NBAS: variants seen among roughly 807,000 people sequenced by gnomAD.
The protein encoded by NBAS is NAG/BC035112 fusion.
NBAS carries 219 observed loss-of-function variants against 302.5 expected under a neutral mutation model. The observed-to-expected ratio is 0.72, with a 90% CI of 0.65 to 0.81. NBAS has a LOEUF of 0.81. NBAS is among the 30% of genes least tolerant of loss of function. The pLI is 0.00. For synonymous variants in NBAS, 1,118 were observed against 1,021.6 expected, an observed-to-expected ratio of 1.09 and a Z score of -1.80; for missense variants, 2,932 against 2,841.6, an observed-to-expected ratio of 1.03 and a Z score of -0.72.
the NBAS span, among the ~76,000 whole-genome samples, chr2:14,952,280 G>A: frequency 1.3e-5 from 2 of 152,236 alleles, no homozygotes; most frequent in East Asian, 1.9e-4. Flanking sequence ...AGTCAGGAGA[G>A]AGGCTGTAGA....
Position 15,424,167 on chromosome 2 carries a change from A to G in NBAS, c.2577+148T>C, listed in dbSNP as rs148450841. ...GCCACAAAACGTTCTAATGCACAGG[A>G]TAACAAAGAAATAAATATTCAATTC... On this transcript the variant is annotated intron_variant, in intron 23 of 51. Transcript: ENST00000281513. 97 of 1,025,916 alleles carry G rather than the reference A, an allele frequency of 9.5e-5. No individual in the cohort carries two copies. In the East Asian group the frequency reaches 2.5e-3, roughly 26 times the overall value. 63.6% of individuals were successfully genotyped at this position (1,025,916 alleles called of 1,614,324 possible).
the NBAS span, among the ~76,000 whole-genome samples, chr2:14,783,548 C>T: frequency 6.8e-5 from 10 of 146,280 alleles, no homozygotes; most frequent in East Asian, 1.4e-3. Context: ...TCAATTCCCA[C>T]CTATGAGTGA....
At chr2:15,167,754 T>C (rs186511486) in intron 51 of NBAS, among the ~76,000 whole-genome samples, 50 of 152,394 alleles carry the variant, frequency 3.3e-4, no homozygotes, top group Non-Finnish European at 5.1e-4. Flanking sequence ...TCAAAGTCTG[T>C]GCTCTTAACA....
chr2:15,419,333 ATATG>A (rs1332496841), intron 23 of NBAS, among the ~76,000 whole-genome samples: 2 of 51,582 alleles, frequency 3.9e-5, no homozygotes, highest in African/African-American at 1.6e-4. Context: ...TCATACATAT[ATATG>A]TGTGTGTGTG....
the NBAS span, among the ~76,000 whole-genome samples, chr2:14,990,560 C>A: frequency 2.6e-5 from 4 of 152,110 alleles, no homozygotes; most frequent in South Asian, 6.2e-4. Flanking sequence ...TTTTAACTTT[C>A]CAAAGTACCT....
In NBAS at chr2:15,234,725, T is replaced by A; in HGVS notation, c.5966A>T (p.His1989Leu). ...TTCTGATCGGGACAGATCATAGAGGTGACTGTATTTTTGCAGTGTTTCCTG... is the reference window on the plus strand; with the variant it reads ...TTCTGATCGGGACAGATCATAGAGGAGACTGTATTTTTGCAGTGTTTCCTG... The part of the protein sequence containing the change: ...SEQETLQKYS[H>L]LYDLSRSEKE... The change falls in exon 46 of 52, where the codon CAC becomes CTC. Residue 1989 changes from histidine to leucine, a missense_variant. Transcript: ENST00000281513. 1.2e-6 allele frequency: 2 copies of A among 1,614,120 alleles called. No homozygotes were observed. Among genetic ancestry groups the A allele is most frequent in the South Asian group, 2.2e-5 (2 of 91,076 alleles).
the NBAS span, among the ~76,000 whole-genome samples, chr2:15,020,008 A>G: frequency 6.6e-6 from 1 of 152,154 alleles, no homozygotes; most frequent in Non-Finnish European, 1.5e-5. Context: ...TTATCTCCCC[A>G]TTTTACAAAT....
chr2:15,402,745 A>G (rs1284704266), intron 25 of NBAS, among the ~76,000 whole-genome samples: 1 of 151,370 alleles, frequency 6.6e-6, no homozygotes, highest in Non-Finnish European at 1.5e-5. Flanking sequence ...ATTTAACTAC[A>G]GAGTGCTGAC....
chr2:14,887,850 A>C, the NBAS span, among the ~76,000 whole-genome samples: 1 of 152,298 alleles, frequency 6.6e-6, no homozygotes, highest in African/African-American at 2.4e-5. Flanking sequence ...ACTGATGGCT[A>C]TTTTTTAATT....
At chr2:15,133,720 AT>A in the NBAS span, among the ~76,000 whole-genome samples, 1 of 152,136 alleles carries the variant, frequency 6.6e-6, no homozygotes, top group Non-Finnish European at 1.5e-5. Flanking sequence ...GTAGGTCCCC[AT>A]TTTTTGGTAG....
chr2:15,377,375 C>A (rs1350627121), intron 30 of NBAS, among the ~76,000 whole-genome samples: 2 of 152,198 alleles, frequency 1.3e-5, no homozygotes, highest in Non-Finnish European at 2.9e-5. Context: ...ACTGGTGCCA[C>A]ATGATAACAA....
the NBAS span, among the ~76,000 whole-genome samples, chr2:14,923,890 T>C: frequency 1.3e-5 from 2 of 151,796 alleles, no homozygotes; most frequent in Non-Finnish European, 2.9e-5. Flanking sequence ...GTATGGAGAG[T>C]AGTTTGAAGG....
chr2:14,785,432 T>C, the NBAS span, among the ~76,000 whole-genome samples: 1,223 of 152,300 alleles, frequency 8.0e-3, 5 homozygotes, highest in Non-Finnish European at 0.012. Flanking sequence ...TTTTTGCCCA[T>C]TCAGTATGAT....
the NBAS span, among the ~76,000 whole-genome samples, chr2:14,794,149 C>T: frequency 6.6e-6 from 1 of 152,162 alleles, no homozygotes; most frequent in Non-Finnish European, 1.5e-5. Context: ...TTTTCCCCCT[C>T]CTTCCCCCTT....
the NBAS span, among the ~76,000 whole-genome samples, chr2:14,913,583 G>A: frequency 6.6e-6 from 1 of 152,178 alleles, no homozygotes; most frequent in East Asian, 1.9e-4. Context: ...ATCCTGAGAG[G>A]TATAGGAAGC....
chr2:15,219,111 T>C (rs1161518594), intron 47 of NBAS, 143 bp from the exon 48 acceptor site: 1 of 821,440 alleles, frequency 1.2e-6, no homozygotes, highest in Non-Finnish European at 2.0e-6. Context: ...ATTTTGGTTT[T>C]TAAATGGCTT....
chr2:15,049,126 AC>A, the NBAS span, among the ~76,000 whole-genome samples: 54,008 of 152,126 alleles, frequency 0.36, 9,753 homozygotes, highest in South Asian at 0.41. Flanking sequence ...CTTTTTCCAA[AC>A]CTGGGGTGAT....
At chr2:14,809,782 C>T in the NBAS span, among the ~76,000 whole-genome samples, 1 of 152,188 alleles carries the variant, frequency 6.6e-6, no homozygotes, top group African/African-American at 2.4e-5. Context: ...CTGGAAAAGC[C>T]ACAGACACTC....
chr2:15,544,853 A>C (rs1664026346), intron 6 of NBAS, among the ~76,000 whole-genome samples: 1 of 152,142 alleles, frequency 6.6e-6, no homozygotes, highest in African/African-American at 2.4e-5. Context: ...CTACTAAAAA[A>C]TACAAAACTT....
Sources: allele counts gnomAD v4.1 joint callset (sites outside exome capture counted in the v4.1 genomes callset), GRCh38; gene constraint gnomAD v4.1.1; transcripts MANE v1.5; gene names NCBI Gene and HGNC (gene_info 2026-07-23, HGNC 2026-07-21).